Variants in MYH11 observed in about 807,000 individuals in gnomAD.
The protein encoded by MYH11 is myosin-11.
MYH11 carries 80 observed loss-of-function variants against 246.6 expected under a neutral mutation model. That is an observed-to-expected ratio of 0.32 (90% CI 0.27 to 0.39). The LOEUF (loss-of-function observed/expected upper bound fraction) is 0.39. MYH11 is among the 10% of genes least tolerant of loss of function. The pLI is 1.00. For missense variants in MYH11, 2,158 were observed against 2,546.8 expected, an observed-to-expected ratio of 0.85 and a Z score of 3.29; for synonymous variants, 1,071 against 1,015.5, an observed-to-expected ratio of 1.05 and a Z score of -1.04.
At chr16:15,812,551 T>TAAAAAAAAAAA (rs71134466) in intron 3 of MYH11, among the ~76,000 whole-genome samples, 5 of 37,410 alleles carry the variant, frequency 1.3e-4, no homozygotes, top group Non-Finnish European at 1.8e-4. Context: ...ATCTTATCTC[T>TAAAAAAAAAAA]AAAAAAAAAA....
Position 15,704,044 on chromosome 16 carries a change from C to T in MYH11, c.5866G>A (p.Glu1956Lys), listed in dbSNP as rs1358904937. ...RVIENADGSE[E>K]ETDTRDADFN... The stretch of plus-strand genomic sequence containing the variant: ...TCTGCGTCTCGAGTGTCCGTTTCCT[C>T]CTCAGAACCATCTGCATTTTCAATA... The change falls in exon 41 of 41, where the codon GAG becomes AAG. Residue 1956 changes from glutamate (E) to lysine (K), a missense_variant. Glu to Lys is a moderately conservative substitution (Grantham distance 56). Around this residue, in one of 11 missense-constraint regions of MYH11, gnomAD observed 1,013 missense variants for 993.5 expected, o/e 1.02. Coordinates refer to ENST00000300036, the MANE Select transcript of MYH11 (RefSeq NM_002474.3). 8.1e-6 allele frequency: 13 copies of T among 1,614,078 alleles called. No homozygotes were observed. Among genetic ancestry groups the T allele is most frequent in the East Asian group, 2.2e-5 (1 of 44,874 alleles).
At position 15,718,380 on chromosome 16, in the gene MYH11, C is replaced by T; in HGVS notation, c.5230G>A (p.Glu1744Lys). 7.5e-6 allele frequency: 12 copies of T among 1,605,578 alleles called. No homozygotes were observed. The highest frequency in any genetic ancestry group is 8.5e-6 in the Non-Finnish European group (10 of 1,178,282). ...ATGTTGCCCTGCTCCTCCTCCAGCT[C>T]CTCCTCCAGCTGGGCGATCCGGGCC... ...LEARIAQLEE[E>K]LEEEQGNMEA... Residue 1744 changes from glutamate to lysine, a missense_variant, in exon 37 of 41, where the codon GAG (glutamate) becomes AAG (lysine). By Grantham distance (56) the Glu-to-Lys change is moderately conservative. Transcript: ENST00000300036.
At chr16:15,843,963 C>T (rs908425269) in intron 1 of MYH11, among the ~76,000 whole-genome samples, 35 of 152,004 alleles carry the variant, frequency 2.3e-4, no homozygotes, top group Admixed American at 2.6e-4. Flanking sequence ...GGGATGGGTC[C>T]GCCTGCCATC....
intron 16 of MYH11, among the ~76,000 whole-genome samples, chr16:15,748,443 G>C (rs889660617): frequency 6.6e-6 from 1 of 152,080 alleles, no homozygotes; most frequent in Non-Finnish European, 1.5e-5. Flanking sequence ...TCATCACCTC[G>C]TCTCCCTCAC....
chr16:15,817,140 A>G (rs1203688878), intron 3 of MYH11, among the ~76,000 whole-genome samples: 1 of 152,168 alleles, frequency 6.6e-6, no homozygotes, highest in African/African-American at 2.4e-5. Flanking sequence ...TAAGGGTCTA[A>G]TGCACAAGGG....
chr16:15,715,534 T>C (rs1039317400), intron 38 of MYH11, among the ~76,000 whole-genome samples: 3 of 152,196 alleles, frequency 2.0e-5, no homozygotes, highest in African/African-American at 7.2e-5. Context: ...TCCGTTGATA[T>C]CAAGTGTCCA....
At chr16:15,835,848 G>A (rs1407187304) in intron 2 of MYH11, among the ~76,000 whole-genome samples, 1 of 151,380 alleles carries the variant, frequency 6.6e-6, no homozygotes, top group Non-Finnish European at 1.5e-5. Flanking sequence ...TGAACTCCTG[G>A]GCTCAAGTGA....
At chr16:15,783,215 A>T (rs2042395131) in intron 5 of MYH11, 1 of 152,312 alleles carries the variant, frequency 6.6e-6, no homozygotes, top group Admixed American at 6.5e-5. Flanking sequence ...TGGGAAAGCA[A>T]ACGAGCTGCT....
chr16:15,757,185 C>T (rs1567733575), intron 13 of MYH11, among the ~76,000 whole-genome samples: 1 of 150,822 alleles, frequency 6.6e-6, no homozygotes, highest in Non-Finnish European at 1.5e-5. Context: ...GAGACAGGGT[C>T]TCACTCTGTT....
intron 23 of MYH11, 44 bp downstream of exon 23, chr16:15,740,007 G>A (rs1480135649): frequency 6.2e-7 from 1 of 1,608,432 alleles, no homozygotes; most frequent in South Asian, 1.1e-5. Context: ...CTCCCAAAGT[G>A]CTCGGATTAT....
intron 2 of MYH11, among the ~76,000 whole-genome samples, chr16:15,834,839 G>A (rs1374545525): frequency 2.0e-5 from 3 of 151,788 alleles, no homozygotes; most frequent in Non-Finnish European, 4.4e-5. Flanking sequence ...AAAAGTCAAG[G>A]CAGGAGATGG....
intron 5 of MYH11, 131 bp downstream of exon 5, chr16:15,786,499 G>C: frequency 1.1e-6 from 1 of 908,988 alleles, no homozygotes; most frequent in Non-Finnish European, 1.9e-6. Flanking sequence ...GTCCCTCTTT[G>C]AGTCTTCAGG....
intron 36 of MYH11, chr16:15,718,956 C>A (rs983674221): frequency 1.7e-5 from 8 of 479,854 alleles, no homozygotes; most frequent in Admixed American, 1.3e-4. Flanking sequence ...GGTGAAACCC[C>A]ACCTCTACTA....
At chr16:15,723,955 A>G (rs545025648) in intron 31 of MYH11, among the ~76,000 whole-genome samples, 6 of 152,342 alleles carry the variant, frequency 3.9e-5, no homozygotes, top group African/African-American at 1.4e-4. Flanking sequence ...AGTCACAGTC[A>G]TCAAGGCTTC....
At position 15,716,793 on chromosome 16, in the gene MYH11, C is replaced by T. The variant is rs138711989; in HGVS notation, c.5504+347G>A. Among the ~76,000 whole-genome samples, 1,338 of 152,326 alleles carry T rather than the reference C, an allele frequency of 8.8e-3. 20 individuals carry two copies. Among genetic ancestry groups the T allele is most frequent in the African/African-American group, 0.031 (1,268 of 41,564 alleles). ...CCTCCCAAATTGCTGGGATTACAGG[C>T]GTGAGCCACCACGTCCAGCCTGGTT... is the stretch of plus-strand genomic sequence containing the variant. On this transcript the variant is annotated intron_variant, in intron 38 of 40. Coordinates refer to ENST00000300036, the MANE Select transcript of MYH11 (RefSeq NM_002474.3).
chr16:15,731,097 C>T (rs1276348204), intron 27 of MYH11, among the ~76,000 whole-genome samples: 3 of 152,064 alleles, frequency 2.0e-5, no homozygotes, highest in South Asian at 2.1e-4. Context: ...GTTAGGATTA[C>T]GGGAGGCATG....
intron 4 of MYH11, among the ~76,000 whole-genome samples, chr16:15,796,155 C>T (rs2151319370): frequency 6.6e-6 from 1 of 152,284 alleles, no homozygotes; most frequent in South Asian, 2.1e-4. Flanking sequence ...ATTTCAGCAT[C>T]ATACCGTCCA....
chr16:15,737,355 G>T (rs2272555), intron 25 of MYH11, 94 bp downstream of exon 25: 3 of 1,555,836 alleles, frequency 1.9e-6, no homozygotes, highest in Admixed American at 3.4e-5. Context: ...GCCTGGGGCC[G>T]CCTTGACCAA....
At chr16:15,711,226 CTA>C (rs1342455738) in intron 40 of MYH11, 2 of 152,342 alleles carry the variant, frequency 1.3e-5, no homozygotes, top group East Asian at 3.9e-4. Context: ...TCCCCAAACT[CTA>C]GAGGTGATTT....
Sources: allele counts gnomAD v4.1 joint callset (sites outside exome capture counted in the v4.1 genomes callset), GRCh38; gene constraint gnomAD v4.1.1; regional missense constraint gnomAD v4.1.1; transcripts MANE v1.5; gene names NCBI Gene and HGNC (gene_info 2026-07-23, HGNC 2026-07-21).